Variants in TGFBR3 observed in about 807,000 individuals in gnomAD.
The protein encoded by TGFBR3 is transforming growth factor beta receptor 3, also known as transforming growth factor beta receptor type 3.
In TGFBR3, 46 loss-of-function variants were observed where a neutral mutation model predicts 87.9. The ratio of observed to expected loss-of-function variants is 0.52; its 90% CI spans 0.41 to 0.67. The LOEUF is 0.67. Ranked by LOEUF, TGFBR3 falls within the 30% of genes least tolerant of loss-of-function variation. The pLI is 0.00. For missense variants in TGFBR3, 866 were observed against 1,041.9 expected (o/e 0.83, Z 2.32); for synonymous variants, 381 against 391.6 (o/e 0.97, Z 0.32).
intron 8 of TGFBR3, among the ~76,000 whole-genome samples, chr1:91,721,226 T>C (rs1672357528): frequency 6.6e-6 from 1 of 152,166 alleles, no homozygotes; most frequent in African/African-American, 2.4e-5. Context: ...GGTTTTTAAT[T>C]TGTACTTTCA....
At chr1:91,744,941 A>G (rs919268998) in intron 4 of TGFBR3, among the ~76,000 whole-genome samples, 4 of 152,156 alleles carry the variant, frequency 2.6e-5, no homozygotes, top group Non-Finnish European at 4.4e-5. Flanking sequence ...AAGAGAAACC[A>G]TAGCTCCCCA....
intron 2 of TGFBR3, among the ~76,000 whole-genome samples, chr1:91,859,080 A>T (rs1283868107): frequency 6.6e-6 from 1 of 151,918 alleles, no homozygotes; most frequent in African/African-American, 2.4e-5. Context: ...AAAAATCTGT[A>T]ACTCTACTGT....
At chr1:91,841,037 C>T (rs894048823) in intron 2 of TGFBR3, among the ~76,000 whole-genome samples, 9 of 152,146 alleles carry the variant, frequency 5.9e-5, no homozygotes, top group African/African-American at 4.8e-5. Context: ...TCTTGAACTC[C>T]GGACCTCAGG....
intron 5 of TGFBR3, among the ~76,000 whole-genome samples, chr1:91,734,522 C>T (rs547674046): frequency 3.9e-4 from 60 of 152,320 alleles, no homozygotes; most frequent in Middle Eastern, 3.4e-3. Flanking sequence ...TCCCACACAA[C>T]AACCTTCTCC....
intron 2 of TGFBR3, among the ~76,000 whole-genome samples, chr1:91,897,547 T>C (rs1679577765): frequency 6.6e-6 from 1 of 152,150 alleles, no homozygotes; most frequent in African/African-American, 2.4e-5. Flanking sequence ...GAATGGACAA[T>C]CCAAATGGCC....
At chr1:91,890,403 TA>T (rs1557765280), upstream of TGFBR3, among the ~76,000 whole-genome samples, 2 of 135,504 alleles carry the variant, frequency 1.5e-5, no homozygotes, top group Non-Finnish European at 3.2e-5. Flanking sequence ...GTTGTTTCTC[TA>T]TAATCTTTTT....
chr1:91,814,275 T>C lies in TGFBR3; in HGVS notation c.62-16804A>G, dbSNP rs113504494. On this transcript the variant is annotated intron_variant, in intron 2 of 16. Transcript: ENST00000212355. ...CATACATGCCAAGGGCTATTACTGT[T>C]TCTCATACTCAAGAAGGTTCGCTTC... is the stretch of plus-strand genomic sequence containing the variant. 6.2e-3 allele frequency among the ~76,000 whole-genome samples: 940 copies of C among 152,312 alleles called. 12 individuals are homozygous for C. Among genetic ancestry groups the C allele is most frequent in the African/African-American group, 0.022 (911 of 41,558 alleles).
At chr1:91,785,514 T>A (rs1674923411) in intron 3 of TGFBR3, among the ~76,000 whole-genome samples, 1 of 152,218 alleles carries the variant, frequency 6.6e-6, no homozygotes, top group African/African-American at 2.4e-5. Context: ...TCATTAAAGC[T>A]ATTTTAAAAA....
intron 1 of TGFBR3, among the ~76,000 whole-genome samples, chr1:91,879,225 C>A (rs2799520): frequency 0.11 from 16,123 of 151,678 alleles, 1,103 homozygotes; most frequent in African/African-American, 0.21. Context: ...GCCAAGATCA[C>A]ACCACTGCAC....
In TGFBR3 at chr1:91,720,139, C is replaced by T. The variant is rs368105520; in HGVS notation, c.1167G>A (p.Pro389=). ...TTTGGCCTTCCCCTCCCCGGATGGG[C>T]GGGTTCTGCAGGGCAGGCAGGGCAC... ...DPGALPALQN[P]PIRGGEGQNG... is the part of the protein sequence containing the mutation. The change falls in exon 9 of 17, where the codon CCG becomes CCA. Residue 389 remains proline (P), a synonymous_variant. Transcript: ENST00000212355. 7.4e-6 allele frequency: 12 copies of T among 1,613,936 alleles called. No homozygotes were observed. Among genetic ancestry groups the T allele is most frequent in the Non-Finnish European group, 8.5e-6 (10 of 1,179,970 alleles).
chr1:91,863,089 G>A (rs1304743892), intron 1 of TGFBR3, among the ~76,000 whole-genome samples: 1 of 152,226 alleles, frequency 6.6e-6, no homozygotes, highest in East Asian at 1.9e-4. Context: ...TAGGGTGACT[G>A]CAGGACAGGG....
At chr1:91,733,371 A>G (rs1672841951) in intron 5 of TGFBR3, among the ~76,000 whole-genome samples, 1 of 152,316 alleles carries the variant, frequency 6.6e-6, no homozygotes, top group East Asian at 1.9e-4. Flanking sequence ...AAAACGGTGG[A>G]AATGACATCT....
At position 91,825,142 on chromosome 1, in the gene TGFBR3, A is replaced by C. The variant is rs549321870; in HGVS notation, c.62-27671T>G. Among the ~76,000 whole-genome samples, 21 of 152,360 alleles carry C rather than the reference A, an allele frequency of 1.4e-4. No individual in the cohort carries two copies. In the South Asian group the frequency reaches 4.3e-3, roughly 32 times the overall value. On this transcript the variant is annotated intron_variant, in intron 2 of 16. Transcript: ENST00000212355. ...CTTGGCCAAAGCCATACTTCCCAGA[A>C]AAAAGGGAAAAAACATAAGCCCACA...
chr1:91,685,772 G>C (rs892881877), intron 16 of TGFBR3, among the ~76,000 whole-genome samples: 1 of 152,048 alleles, frequency 6.6e-6, no homozygotes, highest in African/African-American at 2.4e-5. Flanking sequence ...CCCAGAGTAG[G>C]AGCTTTATTT....
At chr1:91,796,791 A>C (rs1571519331) in intron 3 of TGFBR3, among the ~76,000 whole-genome samples, 1 of 151,664 alleles carries the variant, frequency 6.6e-6, no homozygotes, top group African/African-American at 2.4e-5. Flanking sequence ...ATCACGGCTC[A>C]CTCCAGCCTC....
At chr1:91,739,406 T>C (rs897226718) in intron 4 of TGFBR3, among the ~76,000 whole-genome samples, 2 of 152,224 alleles carry the variant, frequency 1.3e-5, no homozygotes, top group Non-Finnish European at 1.5e-5. Flanking sequence ...CAAAGTCTTA[T>C]AGTTATTCTT....
chr1:91,888,706 AT>A (rs1359552100), upstream of TGFBR3, among the ~76,000 whole-genome samples: 1 of 152,184 alleles, frequency 6.6e-6, no homozygotes, highest in Non-Finnish European at 1.5e-5. Flanking sequence ...TCTCAAAAAA[AT>A]AAAATTAAAT....
chr1:91,840,270 C>T (rs1272873550), intron 2 of TGFBR3, among the ~76,000 whole-genome samples: 4 of 150,222 alleles, frequency 2.7e-5, no homozygotes, highest in African/African-American at 9.8e-5. Context: ...TGCAGTGAGC[C>T]GAGACCATGC....
intron 13 of TGFBR3, 70 bp from the exon 14 acceptor site, chr1:91,708,853 C>T: frequency 6.3e-7 from 1 of 1,592,012 alleles, no homozygotes; most frequent in Non-Finnish European, 8.6e-7. Flanking sequence ...TCTACCTGCA[C>T]AGCTGTCCTG....
Sources: allele counts gnomAD v4.1 joint callset (sites outside exome capture counted in the v4.1 genomes callset), GRCh38; gene constraint gnomAD v4.1.1; transcripts MANE v1.5; gene names NCBI Gene and HGNC (gene_info 2026-07-23, HGNC 2026-07-21).